The following NPHP4 variants were observed in gnomAD, a reference collection of about 807,000 sequenced individuals.
NPHP4 encodes the protein nephrocystin-4.
In NPHP4, 151 loss-of-function variants were observed where a neutral mutation model predicts 155.8. The ratio of observed to expected loss-of-function variants is 0.97; its 90% CI spans 0.85 to 1.11. The LOEUF (loss-of-function observed/expected upper bound fraction) is 1.11, where lower values mean the gene tolerates loss of function less well. Ranked by LOEUF, NPHP4 falls within the 50% of genes least tolerant of loss-of-function variation. The pLI, the probability that NPHP4 is intolerant of heterozygous loss-of-function variation, is 0.00. For synonymous variants in NPHP4, 845 were observed against 816.8 expected (o/e 1.03, Z -0.59); for missense variants, 1,956 against 1,925.7 (o/e 1.02, Z -0.29).
At chr1:5,891,978 G>A (rs567574232) in intron 16 of NPHP4, among the ~76,000 whole-genome samples, 33 of 152,390 alleles carry the variant, frequency 2.2e-4, no homozygotes, top group African/African-American at 7.2e-4. Context: ...TGGGCCCCAA[G>A]GGGGTGGAGC....
At position 5,905,109 on chromosome 1, in the gene NPHP4, C is replaced by T. The variant is rs1338025269; in HGVS notation, c.1955+183G>A. Reference sequence around the variant, plus strand: ...GACCACAAAAGATGGGGTAAAGCAGCTTTCACAGCATTTAGCATGCTGTGG... The same window carrying T: ...GACCACAAAAGATGGGGTAAAGCAGTTTTCACAGCATTTAGCATGCTGTGG... On this transcript the variant is annotated intron_variant, in intron 15 of 29. Coordinates refer to ENST00000378156, the MANE Select transcript of NPHP4 (RefSeq NM_015102.5). The surrounding 1 kb of genome is among the most constrained non-coding windows in gnomAD (Gnocchi z 4.0). Among the ~76,000 whole-genome samples the T allele has an allele frequency of 6.6e-6, 1 of 152,154 alleles. No homozygotes were observed. The highest frequency in any genetic ancestry group is 1.9e-4 in the East Asian group (1 of 5,192).
intron 10 of NPHP4, among the ~76,000 whole-genome samples, chr1:5,932,547 G>A (rs1037229234): frequency 5.3e-5 from 8 of 151,914 alleles, no homozygotes; most frequent in Admixed American, 1.3e-4. Flanking sequence ...CTCCAACACC[G>A]CCAATGGGGC....
intron 19 of NPHP4, chr1:5,879,343 T>C (rs1557632551): frequency 5.7e-6 from 2 of 351,042 alleles, no homozygotes; most frequent in East Asian, 1.5e-4. Flanking sequence ...TGTGAGGCCT[T>C]ACATTTTAAG....
chr1:5,907,057 G>A, intron 13 of NPHP4, 58 bp downstream of exon 13: 1 of 1,029,340 alleles, frequency 9.7e-7, no homozygotes, highest in Non-Finnish European at 1.4e-6. Context: ...AACCCAAAAT[G>A]AGGAGCTGTG....
chr1:5,967,176 G>A, intron 5 of NPHP4, 123 bp downstream of exon 5: 2 of 769,766 alleles, frequency 2.6e-6, no homozygotes, highest in East Asian at 5.4e-5. Context: ...AAACCTCTTA[G>A]ATAAATTAGC....
intron 11 of NPHP4, among the ~76,000 whole-genome samples, chr1:5,914,257 CAAA>C (rs575438284): frequency 1.1e-4 from 5 of 47,390 alleles, no homozygotes; most frequent in African/African-American, 3.1e-4. Context: ...CTTATCTATA[CAAA>C]AAAAAAAAAA....
At chr1:5,969,877 G>A (rs12745395) in intron 3 of NPHP4, among the ~76,000 whole-genome samples, 62,723 of 152,008 alleles carry the variant, frequency 0.41, 13,498 homozygotes, top group East Asian at 0.75. Context: ...ATTATCCCCG[G>A]TTCAGAGCCC....
At chr1:5,966,733 T>C (rs905424396) in intron 5 of NPHP4, among the ~76,000 whole-genome samples, 2 of 152,096 alleles carry the variant, frequency 1.3e-5, no homozygotes, top group African/African-American at 4.8e-5. Flanking sequence ...GCCTCCCTGA[T>C]GTCCTTCTAG....
chr1:5,896,338 T>A (rs1205629867), intron 16 of NPHP4, among the ~76,000 whole-genome samples: 10 of 152,300 alleles, frequency 6.6e-5, no homozygotes, highest in Admixed American at 2.6e-4. Context: ...TGAATCATAC[T>A]GAATATCAAA....
At chr1:5,909,552 C>T (rs917433675) in intron 11 of NPHP4, among the ~76,000 whole-genome samples, 2 of 152,172 alleles carry the variant, frequency 1.3e-5, no homozygotes, top group African/African-American at 4.8e-5. Context: ...CTTCCCTGCC[C>T]GGAAGAGCTG....
rs994633208 is a variant in NPHP4, at chr1:5,890,519, T to C, written c.2304+349A>G. Among the ~76,000 whole-genome samples, 1 of 152,170 alleles carries C rather than the reference T, an allele frequency of 6.6e-6. No homozygotes were observed. Among genetic ancestry groups the C allele is most frequent in the East Asian group, 1.9e-4 (1 of 5,194 alleles). ...CCCCAGTCATTCGCGTATCCATTCA[T>C]TCATCCTCAACCCACCTCGGATGCA... is the stretch of plus-strand genomic sequence containing the variant. On this transcript the variant is annotated intron_variant, in intron 17 of 29. Transcript: ENST00000378156. The surrounding 1 kb of genome is among the most constrained non-coding windows in gnomAD (Gnocchi z 4.9).
At chr1:5,990,155 A>C (rs1656023107) in intron 1 of NPHP4, among the ~76,000 whole-genome samples, 2 of 152,038 alleles carry the variant, frequency 1.3e-5, no homozygotes, top group South Asian at 4.1e-4. Flanking sequence ...TAGGAGTCAA[A>C]CCAAATGCTC....
At chr1:5,946,909 G>C (rs1647129753) in intron 9 of NPHP4, among the ~76,000 whole-genome samples, 195 bp downstream of exon 9, 1 of 152,212 alleles carries the variant, frequency 6.6e-6, no homozygotes. Flanking sequence ...CACATTCTTT[G>C]CCCTCTCCAT....
chr1:5,950,902 G>C (rs891715549), intron 7 of NPHP4, among the ~76,000 whole-genome samples: 1 of 152,172 alleles, frequency 6.6e-6, no homozygotes, highest in Non-Finnish European at 1.5e-5. Context: ...ATAAATCCTG[G>C]TGCCCTCACA....
At chr1:5,941,311 A>G (rs1016700568) in intron 9 of NPHP4, among the ~76,000 whole-genome samples, 2 of 151,412 alleles carry the variant, frequency 1.3e-5, no homozygotes, top group Non-Finnish European at 2.9e-5. Context: ...AAAAAAAAAA[A>G]AAAGGGCAGG....
intron 18 of NPHP4, among the ~76,000 whole-genome samples, chr1:5,884,099 A>G (rs1643554725): frequency 6.6e-6 from 1 of 152,206 alleles, no homozygotes; most frequent in Admixed American, 6.5e-5. Context: ...AAGGCACTGC[A>G]TTTCATCAGG....
intron 4 of NPHP4, 71 bp downstream of exon 4, chr1:5,969,016 G>A (rs1461959937): frequency 2.3e-5 from 23 of 1,016,792 alleles, no homozygotes; most frequent in Non-Finnish European, 3.1e-5. Flanking sequence ...GACAGAGTGA[G>A]AATCTGTCTC....
intron 9 of NPHP4, among the ~76,000 whole-genome samples, chr1:5,946,499 T>C (rs1184082727): frequency 6.6e-6 from 1 of 152,238 alleles, no homozygotes; most frequent in Admixed American, 6.5e-5. Context: ...GCTATTATGA[T>C]ACATGAAACT....
Position 5,890,303 on chromosome 1 carries a change from TG to T in NPHP4, c.2304+564del, listed in dbSNP as rs1443709189. 6.6e-6 allele frequency among the ~76,000 whole-genome samples: 1 copy of T among 152,154 alleles called. No homozygotes were observed. The highest frequency in any genetic ancestry group is 2.4e-5 in the African/African-American group (1 of 41,432). ...CCAGTCCTTGGCCCAAGAGTTGTCA[TG>T]GGGTCCCCTTCATACAATGGAGAAG... On this transcript the variant is annotated intron_variant, in intron 17 of 29. Coordinates refer to ENST00000378156, the MANE Select transcript of NPHP4 (RefSeq NM_015102.5). The surrounding 1 kb of genome is among the most constrained non-coding windows in gnomAD (Gnocchi z 4.9).
Sources: gnomAD v4.1 joint callset for allele counts (sites outside exome capture counted in the v4.1 genomes callset) on GRCh38, gnomAD v4.1.1 for gene constraint, Gnocchi (gnomAD v3.1) non-coding constraint, MANE v1.5 for transcripts, NCBI Gene and HGNC (gene_info 2026-07-23, HGNC 2026-07-21) for gene names.